Variants in SLMAP observed in about 807,000 individuals in gnomAD.
SLMAP encodes the protein sarcolemma associated protein.
Under a neutral mutation model 128.8 loss-of-function variants are expected in SLMAP, and 44 were observed. The ratio of observed to expected loss-of-function variants is 0.34; its 90% confidence interval spans 0.27 to 0.44. The LOEUF is 0.44. SLMAP is among the 20% of genes least tolerant of loss of function. The pLI is 1.00. For synonymous variants in SLMAP, 327 were observed against 348.8 expected, an observed-to-expected ratio of 0.94 and a Z score of 0.70; for missense variants, 787 against 985.3, an observed-to-expected ratio of 0.80 and a Z score of 2.69.
intron 17 of SLMAP, among the ~76,000 whole-genome samples, chr3:57,903,122 A>G (rs903484531): frequency 6.6e-6 from 1 of 152,208 alleles, no homozygotes; most frequent in African/African-American, 2.4e-5. Context: ...CTAGTGAAAG[A>G]AAAGAACAAT....
intron 14 of SLMAP, among the ~76,000 whole-genome samples, chr3:57,880,059 G>A (rs2095696622): frequency 6.6e-6 from 1 of 152,154 alleles, no homozygotes; most frequent in African/African-American, 2.4e-5. Context: ...GGGCCTTAGG[G>A]ATTGGTGGGG....
intron 2 of SLMAP, among the ~76,000 whole-genome samples, chr3:57,796,826 T>C (rs2086835030): frequency 1.3e-5 from 2 of 152,122 alleles, no homozygotes; most frequent in African/African-American, 4.8e-5. Context: ...TGGGATGATA[T>C]CAGTGAAAAT....
chr3:57,850,444 G>T (rs969297954), intron 6 of SLMAP, among the ~76,000 whole-genome samples: 36 of 151,812 alleles, frequency 2.4e-4, no homozygotes, highest in Non-Finnish European at 1.3e-4. Context: ...TTGGAGACAG[G>T]GTCTCGCTCT....
rs540582703 is a variant in SLMAP, at chr3:57,882,344, T to C, written c.1301-7697T>C. On this transcript the variant is annotated intron_variant, in intron 14 of 24. Coordinates refer to ENST00000671191, the MANE Select transcript of SLMAP (RefSeq NM_001377540.1). The stretch of plus-strand genomic sequence containing the variant: ...ATATGTTAGGAAGTGATGAGTCCAC[T>C]GAAGAAAACAAAGACTGTAAGGGGA... Among the ~76,000 whole-genome samples the C allele has an allele frequency of 6.6e-5, 10 of 152,208 alleles. No individual in the cohort carries two copies. In the South Asian group the frequency reaches 2.1e-3, roughly 32 times the overall value.
intron 2 of SLMAP, among the ~76,000 whole-genome samples, chr3:57,808,477 C>T (rs2090333928): frequency 1.3e-5 from 2 of 152,208 alleles, no homozygotes; most frequent in South Asian, 4.1e-4. Context: ...TCATTGGTTT[C>T]AGAGAACTTC....
chr3:57,773,603 T>A (rs980277045), intron 2 of SLMAP, among the ~76,000 whole-genome samples: 1 of 152,144 alleles, frequency 6.6e-6, no homozygotes, highest in African/African-American at 2.4e-5. Context: ...GGGAAAGCAA[T>A]GCCTCCACTT....
chr3:57,922,788 C>T (rs2096941017), intron 22 of SLMAP, 101 bp from the exon 23 acceptor site: 1 of 1,076,652 alleles, frequency 9.3e-7, no homozygotes, highest in African/African-American at 1.6e-5. Context: ...CTTTGGTGTT[C>T]CAGGTGACTA....
intron 2 of SLMAP, among the ~76,000 whole-genome samples, chr3:57,825,524 TAC>T (rs2092862827): frequency 6.6e-6 from 1 of 150,926 alleles, no homozygotes; most frequent in Non-Finnish European, 1.5e-5. Context: ...TTTCATTTTC[TAC>T]AAATGTGGGG....
At chr3:57,889,592 A>T (rs1468755424) in intron 14 of SLMAP, among the ~76,000 whole-genome samples, 3 of 152,208 alleles carry the variant, frequency 2.0e-5, no homozygotes, top group African/African-American at 7.2e-5. Flanking sequence ...TTCTAAAATG[A>T]TTCATTTACT....
Position 57,761,909 on chromosome 3 carries a change from C to T in SLMAP, c.198+4060C>T, listed in dbSNP as rs374779998. On this transcript the variant is annotated intron_variant, in intron 2 of 24. Coordinates refer to ENST00000671191, the MANE Select transcript of SLMAP (RefSeq NM_001377540.1). The stretch of plus-strand genomic sequence containing the variant: ...AAAAATACAAAAAATTAGCCGGGCG[C>T]GGTGGCGGGCGCCTGTAGTCCCAGC... 1.9e-4 allele frequency among the ~76,000 whole-genome samples: 28 copies of T among 149,752 alleles called. No homozygotes were observed. In the South Asian group the frequency reaches 5.3e-3, roughly 28 times the overall value.
At chr3:57,787,699 C>A (rs2084531043) in intron 2 of SLMAP, among the ~76,000 whole-genome samples, 1 of 152,194 alleles carries the variant, frequency 6.6e-6, no homozygotes, top group East Asian at 1.9e-4. Flanking sequence ...TGGTCTTGAA[C>A]TCCTGACCTC....
chr3:57,905,175 G>T (rs2096496159), intron 17 of SLMAP, among the ~76,000 whole-genome samples: 1 of 150,716 alleles, frequency 6.6e-6, no homozygotes, highest in Admixed American at 6.6e-5. Context: ...TGTGTGTGTG[G>T]TTCTGTGTGT....
chr3:57,878,829 C>A (rs565443383), intron 14 of SLMAP, among the ~76,000 whole-genome samples: 15 of 152,218 alleles, frequency 9.9e-5, no homozygotes, highest in African/African-American at 3.6e-4. Context: ...TAATGAAACC[C>A]AATTTTGAGA....
At chr3:57,897,110 C>G (rs2096262695) in intron 17 of SLMAP, 178 bp downstream of exon 17, 5 of 1,363,276 alleles carry the variant, frequency 3.7e-6, no homozygotes, top group Admixed American at 3.5e-5. Flanking sequence ...ATATTTCAAA[C>G]TATTGTTGAA....
chr3:57,869,645 T>TATATATATATATATATA (rs2095429701), intron 13 of SLMAP, among the ~76,000 whole-genome samples: 2 of 134,204 alleles, frequency 1.5e-5, no homozygotes, highest in African/African-American at 5.5e-5. Context: ...TATATATATA[T>TATATATATATATATATA]ATATATATAT....
At chr3:57,915,212 T>G in intron 21 of SLMAP, among the ~76,000 whole-genome samples, 1 of 152,206 alleles carries the variant, frequency 6.6e-6, no homozygotes, top group Non-Finnish European at 1.5e-5. Flanking sequence ...CCCTTATTTT[T>G]AAGATGTGAT....
chr3:57,822,958 T>A (rs1577066159), intron 2 of SLMAP, among the ~76,000 whole-genome samples: 1 of 152,252 alleles, frequency 6.6e-6, no homozygotes, highest in East Asian at 1.9e-4. Flanking sequence ...GTTGGAAAAT[T>A]CACTTAAACA....
At chr3:57,889,943 T>C in intron 14 of SLMAP, 98 bp from the exon 15 acceptor site, 4 of 805,172 alleles carry the variant, frequency 5.0e-6, no homozygotes, top group Admixed American at 3.8e-5. Flanking sequence ...AGTAATGTTA[T>C]CATCTTTAAA....
intron 15 of SLMAP, among the ~76,000 whole-genome samples, chr3:57,893,815 T>C (rs938097230): frequency 6.6e-6 from 1 of 152,198 alleles, no homozygotes; most frequent in African/African-American, 2.4e-5. Context: ...TTTAGCATAC[T>C]ATGAATGCAG....
Sources: gnomAD v4.1 joint callset for allele counts (sites outside exome capture counted in the v4.1 genomes callset) on GRCh38, gnomAD v4.1.1 for gene constraint, MANE v1.5 for transcripts, NCBI Gene and HGNC (gene_info 2026-07-23, HGNC 2026-07-21) for gene names.